GSTA5: variants seen among roughly 807,000 people sequenced by gnomAD.
The protein encoded by GSTA5 is glutathione S-transferase alpha 5, also known as glutathione S-transferase A5.
In GSTA5, 25 loss-of-function variants were observed where a neutral mutation model predicts 21.8. The observed-to-expected ratio is 1.14, with a 90% CI of 0.83 to 1.60. The LOEUF (loss-of-function observed/expected upper bound fraction) is 1.60, where lower values mean the gene tolerates loss of function less well. Among genes scored for constraint, GSTA5 ranks in the 40% most tolerant of loss-of-function variants. GSTA5 has a pLI of 0.00. For missense variants in GSTA5, 330 were observed against 259.2 expected (o/e 1.27, Z -1.88); for synonymous variants, 102 against 89.5 (o/e 1.14, Z -0.78).
At chr6:52,836,543 A>T (rs1764297332) in intron 2 of GSTA5, among the ~76,000 whole-genome samples, 175 bp from the exon 3 acceptor site, 1 of 152,166 alleles carries the variant, frequency 6.6e-6, no homozygotes, top group African/African-American at 2.4e-5. Context: ...ACAGAGTCTC[A>T]CTCTGTCACC....
chr6:52,843,665 T>C (rs1764414432), upstream of GSTA5, among the ~76,000 whole-genome samples: 1 of 152,162 alleles, frequency 6.6e-6, no homozygotes, highest in Non-Finnish European at 1.5e-5. Context: ...GATTAGATAT[T>C]TTGATGTTGT....
At position 52,832,049 on chromosome 6, in the gene GSTA5, C is replaced by T. The variant is rs1581813968; in HGVS notation, c.547-79G>A. The stretch of plus-strand genomic sequence containing the variant: ...TAAGATGACCCAGGGAATGTGAGCC[C>T]CTCATGCCAAAGACCAAGCGAGTCC... On this transcript the variant is annotated intron_variant, in intron 5 of 5. Transcript: ENST00000370989. 3.9e-6 allele frequency: 6 copies of T among 1,542,700 alleles called. No individual in the cohort carries two copies. The East Asian group carries it at 1.1e-4, about 29-fold the overall frequency.
chr6:52,834,196 T>C (rs1390726916), exon 4 of GSTA5: 1 of 1,614,212 alleles, frequency 6.2e-7, no homozygotes, highest in Non-Finnish European at 8.5e-7. Flanking sequence ...CAAGGCAGTC[T>C]TGGCATCTCT....
In GSTA5 at chr6:52,840,710, C is replaced by T; in HGVS notation, c.87+17G>A. The T allele has an allele frequency of 2.5e-6, 4 of 1,609,622 alleles. No homozygotes were observed. The highest frequency in any genetic ancestry group is 3.4e-6 in the Non-Finnish European group (4 of 1,176,248). On this transcript the variant is annotated intron_variant, in intron 1 of 5. Coordinates refer to ENST00000370989, the Ensembl canonical transcript of GSTA5. ...CAATTTTAAATCCAACTTAAGATGACCTTACTCAGAACCTACCTCTACTCC... is the reference window on the plus strand; with the variant it reads ...CAATTTTAAATCCAACTTAAGATGATCTTACTCAGAACCTACCTCTACTCC...
intron 1 of GSTA5, among the ~76,000 whole-genome samples, chr6:52,839,797 G>A (rs1365137523): frequency 6.6e-6 from 1 of 152,172 alleles, no homozygotes; most frequent in African/African-American, 2.4e-5. Flanking sequence ...ACACCTCCAG[G>A]CATTTCCTAC....
At chr6:52,836,190 T>C in intron 3 of GSTA5, 46 bp downstream of exon 3, 2 of 1,604,030 alleles carry the variant, frequency 1.2e-6, no homozygotes, top group Non-Finnish European at 1.7e-6. Context: ...AGGACTTAAA[T>C]CACTCTGTGT....
exon 1 of GSTA5, chr6:52,840,785 G>A (rs757242778): frequency 5.6e-6 from 9 of 1,613,986 alleles, no homozygotes; most frequent in Non-Finnish European, 5.9e-6. Flanking sequence ...CCGTGCATTG[G>A]AGTAGTGGAG....
chr6:52,833,531 C>T (rs1764247100), intron 4 of GSTA5, among the ~76,000 whole-genome samples: 1 of 152,168 alleles, frequency 6.6e-6, no homozygotes, highest in Non-Finnish European at 1.5e-5. Flanking sequence ...CATCATGTTT[C>T]TTACAGCATC....
rs147253449 is a variant in GSTA5, at chr6:52,837,043, T to C, written c.139+515A>G. Among the ~76,000 whole-genome samples, 1,053 of 152,306 alleles carry C rather than the reference T, an allele frequency of 6.9e-3. 3 individuals carry two copies. Among genetic ancestry groups the C allele is most frequent in the Non-Finnish European group, 9.9e-3 (676 of 68,034 alleles). On this transcript the variant is annotated intron_variant, in intron 2 of 5. Coordinates refer to ENST00000370989, the Ensembl canonical transcript of GSTA5. ...TAAAATGGGAAGTTCTCAGGGTAAG[T>C]CTCATGGTGTTTGCGACATCTAAGG... is the stretch of plus-strand genomic sequence containing the variant.
chr6:52,837,048 T>C (rs1383754434), intron 2 of GSTA5, among the ~76,000 whole-genome samples: 3 of 152,202 alleles, frequency 2.0e-5, no homozygotes, highest in African/African-American at 2.4e-5. Flanking sequence ...GTAAGTCTCA[T>C]GGTGTTTGCG....
At chr6:52,831,730 A>C in exon 6 of GSTA5, 1 of 1,187,738 alleles carries the variant, frequency 8.4e-7, no homozygotes, top group Non-Finnish European at 1.2e-6. Flanking sequence ...ATTAGCATGT[A>C]ATTGGAAAGA....
At chr6:52,834,408 T>C (rs2127323192) in intron 3 of GSTA5, 126 bp from the exon 4 acceptor site, 1 of 805,790 alleles carries the variant, frequency 1.2e-6, no homozygotes, top group Non-Finnish European at 2.0e-6. Context: ...GTGCCTTTTA[T>C]ACGCTAGTCA....
chr6:52,836,340 T>C (rs1320495570), exon 3 of GSTA5: 1 of 1,613,678 alleles, frequency 6.2e-7, no homozygotes, highest in African/African-American at 1.3e-5. Flanking sequence ...TCTCAACCAT[T>C]GGTACTTGCT....
intron 3 of GSTA5, among the ~76,000 whole-genome samples, chr6:52,835,873 A>G (rs567107652): frequency 1.3e-5 from 2 of 151,878 alleles, no homozygotes; most frequent in African/African-American, 2.4e-5. Flanking sequence ...TCATCTACAG[A>G]CTCTCAGACA....
At chr6:52,835,697 A>G (rs1352104915) in intron 3 of GSTA5, among the ~76,000 whole-genome samples, 1 of 152,076 alleles carries the variant, frequency 6.6e-6, no homozygotes, top group Non-Finnish European at 1.5e-5. Flanking sequence ...TCAGCCTTCT[A>G]TCCATGTGTC....
chr6:52,834,044 C>G (rs1038355835), intron 4 of GSTA5, 97 bp downstream of exon 4: 2 of 1,364,002 alleles, frequency 1.5e-6, no homozygotes, highest in Admixed American at 1.7e-5. Context: ...TGAAGTCTCA[C>G]TGAAAGTGAA....
chr6:52,836,195 C>G (rs1229656390), intron 3 of GSTA5, 41 bp downstream of exon 3: 1 of 1,606,434 alleles, frequency 6.2e-7, no homozygotes, highest in Non-Finnish European at 8.5e-7. Context: ...TTAAATCACT[C>G]TGTGTTCTCT....
At chr6:52,833,288 C>CGG (rs1764243525) in intron 4 of GSTA5, among the ~76,000 whole-genome samples, 1 of 151,976 alleles carries the variant, frequency 6.6e-6, no homozygotes, top group Non-Finnish European at 1.5e-5. Context: ...GCACCTGCCT[C>CGG]CATGTGTTCT....
chr6:52,834,060 G>A lies in GSTA5; in HGVS notation c.414+81C>T. 3 of 1,501,634 alleles carry A rather than the reference G, an allele frequency of 2.0e-6. No individual in the cohort carries two copies. The South Asian group carries it at 3.4e-5, about 17-fold the overall frequency. 93.0% of individuals were successfully genotyped at this position (1,501,634 alleles called of 1,614,324 possible). ...GAAGTCTCACTGAAAGTGAAGGTCA[G>A]TGGCCCCAGGAATGCCCAGCCACTA... On this transcript the variant is annotated intron_variant, in intron 4 of 5. Transcript: ENST00000370989.
Sources: gnomAD v4.1 joint callset for allele counts (sites outside exome capture counted in the v4.1 genomes callset) on GRCh38, gnomAD v4.1.1 for gene constraint, MANE v1.5 for transcripts, NCBI Gene and HGNC (gene_info 2026-07-23, HGNC 2026-07-21) for gene names.